Variants in RNF157 observed in about 807,000 individuals in gnomAD.
RNF157 encodes the protein ring finger protein 157.
A neutral mutation model predicts 88.3 loss-of-function variants in RNF157; 55 were observed. That is an observed-to-expected ratio of 0.62 (90% CI 0.50 to 0.78). The LOEUF (loss-of-function observed/expected upper bound fraction) is 0.78. Among genes scored for constraint, RNF157 ranks in the 30% least tolerant of loss-of-function variants. RNF157 has a pLI of 0.00. For synonymous variants in RNF157, 334 were observed against 341.2 expected (o/e 0.98, Z 0.23); for missense variants, 788 against 860.8 (o/e 0.92, Z 1.06).
intron 2 of RNF157, among the ~76,000 whole-genome samples, chr17:76,178,663 C>A (rs1330328714): frequency 6.6e-6 from 1 of 152,194 alleles, no homozygotes; most frequent in Non-Finnish European, 1.5e-5. Flanking sequence ...AGGCACTATG[C>A]TGAGCTCTTT....
chr17:76,231,042 G>A (rs1041359991), intron 1 of RNF157, among the ~76,000 whole-genome samples: 1 of 151,476 alleles, frequency 6.6e-6, no homozygotes, highest in Non-Finnish European at 1.5e-5. Context: ...GGGCTGAGGC[G>A]ATCCTCTTGT....
chr17:76,159,226 C>A, intron 12 of RNF157, 109 bp downstream of exon 12: 1 of 934,274 alleles, frequency 1.1e-6, no homozygotes, highest in East Asian at 2.4e-5. Context: ...GGGAACAGCC[C>A]AGAGGGTTAC....
At chr17:76,153,700 A>G (rs1405790451) in intron 17 of RNF157, 1 of 152,994 alleles carries the variant, frequency 6.5e-6, no homozygotes, top group Non-Finnish European at 1.5e-5. Context: ...GAATTATGGT[A>G]AAGGAAGATT....
chr17:76,203,266 C>T (rs946987490), intron 2 of RNF157, among the ~76,000 whole-genome samples: 19 of 152,182 alleles, frequency 1.2e-4, no homozygotes, highest in African/African-American at 4.1e-4. Flanking sequence ...GCTGCGACTA[C>T]AGGCGTCAGC....
At chr17:76,185,320 G>C (rs923821787) in intron 2 of RNF157, among the ~76,000 whole-genome samples, 1 of 152,144 alleles carries the variant, frequency 6.6e-6, no homozygotes, top group Non-Finnish European at 1.5e-5. Flanking sequence ...TCCAGAAGAC[G>C]AATTGCTTTT....
At chr17:76,229,758 G>A (rs1433089585) in intron 1 of RNF157, among the ~76,000 whole-genome samples, 1 of 152,186 alleles carries the variant, frequency 6.6e-6, no homozygotes, top group African/African-American at 2.4e-5. Flanking sequence ...GGCACACTAA[G>A]GGTACGTATG....
At chr17:76,185,134 C>A (rs533614237) in intron 2 of RNF157, among the ~76,000 whole-genome samples, 39 of 152,258 alleles carry the variant, frequency 2.6e-4, no homozygotes, top group African/African-American at 8.7e-4. Context: ...AATACTGAGA[C>A]TGGGCAACAT....
chr17:76,208,154 C>T (rs1311231149), intron 2 of RNF157, among the ~76,000 whole-genome samples: 1 of 152,144 alleles, frequency 6.6e-6, no homozygotes, highest in Admixed American at 6.5e-5. Flanking sequence ...AATTTCTAGG[C>T]TCAAGAGATC....
At chr17:76,167,170 A>G in intron 4 of RNF157, 44 bp from the exon 5 acceptor site, 1 of 1,424,294 alleles carries the variant, frequency 7.0e-7, no homozygotes, top group Non-Finnish European at 9.9e-7. Flanking sequence ...AGTATCCGGC[A>G]CAGATGGGTC....
chr17:76,158,028 C>T (rs1012279370), intron 13 of RNF157, among the ~76,000 whole-genome samples: 26 of 152,088 alleles, frequency 1.7e-4, no homozygotes, highest in African/African-American at 5.6e-4. Flanking sequence ...CACTTCCAGC[C>T]GTGACACTCC....
In RNF157 at chr17:76,192,506, G is replaced by A. The variant is rs144926225; in HGVS notation, c.208-18716C>T. 2.6e-5 allele frequency among the ~76,000 whole-genome samples: 4 copies of A among 152,324 alleles called. No homozygotes were observed. The East Asian group carries it at 7.7e-4, about 29-fold the overall frequency. ...ATACAGAAGGCAGAAATAGATGTCT[G>A]TAGAATGAATACACGAACAACAAGA... On this transcript the variant is annotated intron_variant, in intron 2 of 18. Coordinates refer to ENST00000269391, the MANE Select transcript of RNF157 (RefSeq NM_052916.3).
At chr17:76,165,733 G>T (rs914072512) in intron 6 of RNF157, among the ~76,000 whole-genome samples, 188 bp from the exon 7 acceptor site, 1 of 151,776 alleles carries the variant, frequency 6.6e-6, no homozygotes. Context: ...GCTGGAGTGC[G>T]GTGGCATGAT....
intron 1 of RNF157, among the ~76,000 whole-genome samples, chr17:76,218,933 C>G (rs1023354058): frequency 6.7e-6 from 1 of 149,302 alleles, no homozygotes; most frequent in Non-Finnish European, 1.5e-5. Flanking sequence ...GACTCCATCT[C>G]AAAAAAATAA....
Position 76,145,129 on chromosome 17 carries a change from G to C in RNF157, c.*106C>G, listed in dbSNP as rs1157911776. On this transcript the variant is annotated 3_prime_UTR_variant, in exon 19 of 19. Coordinates refer to ENST00000269391, the MANE Select transcript of RNF157 (RefSeq NM_052916.3). ...CAGGTTGTAACAGCTGTCACAGGAG[G>C]GTAAAAAGTCTCCAGCATCTTGCTG... 3 of 686,374 alleles carry C rather than the reference G, an allele frequency of 4.4e-6. No homozygotes were observed. Among genetic ancestry groups the C allele is most frequent in the Non-Finnish European group, 7.6e-6 (3 of 394,710 alleles). The allele number at this position is 686,374 out of a possible 1,614,324, so 42.5% of individuals were successfully genotyped here.
chr17:76,192,322 A>C (rs1447806667), intron 2 of RNF157, among the ~76,000 whole-genome samples: 1 of 152,148 alleles, frequency 6.6e-6, no homozygotes, highest in African/African-American at 2.4e-5. Flanking sequence ...TCCTTTCTCC[A>C]AGCTTTTACA....
chr17:76,225,209 G>A (rs2070059438), intron 1 of RNF157, among the ~76,000 whole-genome samples: 1 of 151,964 alleles, frequency 6.6e-6, no homozygotes, highest in Non-Finnish European at 1.5e-5. Context: ...TTACATGTTA[G>A]GTGCAATGGC....
intron 2 of RNF157, among the ~76,000 whole-genome samples, chr17:76,187,309 G>T (rs1404029472): frequency 6.6e-6 from 1 of 151,498 alleles, no homozygotes; most frequent in Admixed American, 6.6e-5. Context: ...TCAGTCTCCC[G>T]AGTAGCTGGG....
intron 2 of RNF157, among the ~76,000 whole-genome samples, chr17:76,181,700 G>A (rs938633445): frequency 6.6e-6 from 1 of 151,828 alleles, no homozygotes; most frequent in African/African-American, 2.4e-5. Context: ...CTGAGGTCCA[G>A]AGTTTGAGAC....
At chr17:76,215,632 C>G (rs1035189747) in intron 1 of RNF157, among the ~76,000 whole-genome samples, 1 of 150,662 alleles carries the variant, frequency 6.6e-6, no homozygotes, top group Admixed American at 6.6e-5. Flanking sequence ...AAAAACTGAA[C>G]CAAACATTCA....
Sources: gnomAD v4.1 joint callset for allele counts (sites outside exome capture counted in the v4.1 genomes callset) on GRCh38, gnomAD v4.1.1 for gene constraint, MANE v1.5 for transcripts, NCBI Gene and HGNC (gene_info 2026-07-23, HGNC 2026-07-21) for gene names.